KCNQ1: variants seen among roughly 807,000 people sequenced by gnomAD.
KCNQ1 encodes the protein potassium voltage-gated channel subfamily KQT member 1.
In KCNQ1, 49 loss-of-function variants were observed where a neutral mutation model predicts 72.4. The observed-to-expected ratio is 0.68, with a 90% confidence interval of 0.54 to 0.86. The LOEUF (loss-of-function observed/expected upper bound fraction) is 0.86. Among genes scored for constraint, KCNQ1 ranks in the 40% least tolerant of loss-of-function variants. The pLI, the probability that KCNQ1 is intolerant of heterozygous loss-of-function variation, is 0.00. For synonymous variants in KCNQ1, 450 were observed against 412.6 expected, an observed-to-expected ratio of 1.09 and a Z score of -1.10; for missense variants, 790 against 945.1, an observed-to-expected ratio of 0.84 and a Z score of 2.15.
intron 15 of KCNQ1, among the ~76,000 whole-genome samples, chr11:2,838,964 C>A (rs1387126630): frequency 6.6e-6 from 1 of 152,202 alleles, no homozygotes; most frequent in African/African-American, 2.4e-5. Context: ...GCCCGCCTGG[C>A]CCCCAAACAG....
rs1374502738 is a variant in KCNQ1 at position 2,735,486 on chromosome 11, C to T, written c.1515-33358C>T. On this transcript the variant is annotated intron_variant, in intron 11 of 15. Coordinates refer to ENST00000155840, the MANE Select transcript of KCNQ1 (RefSeq NM_000218.3). This position sits in a 1 kb window ranked among gnomAD's most constrained non-coding sequence, Gnocchi z 7.7. ...GCCACACTCCACTGCATTCAGCCAC[C>T]GTCCTGAAGTGCCCCTCACCCACCC... is the stretch of plus-strand genomic sequence containing the variant. 6.6e-6 allele frequency among the ~76,000 whole-genome samples: 1 copy of T among 152,090 alleles called. No homozygotes were observed. Among genetic ancestry groups the T allele is most frequent in the East Asian group, 1.9e-4 (1 of 5,176 alleles).
rs1056537077 is a variant in KCNQ1, at chr11:2,481,350, C to CGT, written c.386+35876_386+35877dup. ...AGTTTCCTGCTAGTCTTTTTCTCGGCGTGTGTGTGTGCGCGCGTGCATGCA... is the reference window on the plus strand; with the variant it reads ...AGTTTCCTGCTAGTCTTTTTCTCGGCGTGTGTGTGTGTGCGCGCGTGCATGCA... On this transcript the variant is annotated intron_variant, in intron 1 of 15. Transcript: ENST00000155840. This position sits in a 1 kb window ranked among gnomAD's most constrained non-coding sequence, Gnocchi z 4.6. 5.9e-5 allele frequency among the ~76,000 whole-genome samples: 9 copies of CGT among 152,092 alleles called. No individual in the cohort carries two copies. Among genetic ancestry groups the CGT allele is most frequent in the Non-Finnish European group, 8.8e-5 (6 of 68,016 alleles).
At chr11:2,820,314 T>C (rs553720633) in intron 15 of KCNQ1, among the ~76,000 whole-genome samples, 1 of 152,378 alleles carries the variant, frequency 6.6e-6, no homozygotes, top group African/African-American at 2.4e-5. Flanking sequence ...TTCTCTTTAA[T>C]CAAAGAGTTA....
At position 2,692,041 on chromosome 11, in the gene KCNQ1, C is replaced by T. The variant is rs1393195268; in HGVS notation, c.1514+29960C>T. ...GACCACCTGTGAGGCCCTGACCCCC[C>T]AAATGTCTCTCCAACCCAGCCAGAC... On this transcript the variant is annotated intron_variant, in intron 11 of 15. Coordinates refer to ENST00000155840, the MANE Select transcript of KCNQ1 (RefSeq NM_000218.3). 6 of 398,660 alleles carry T rather than the reference C, an allele frequency of 1.5e-5. No individual in the cohort carries two copies. The East Asian group carries it at 1.8e-4, about 12-fold the overall frequency. The allele number at this position is 398,660 out of a possible 1,614,324, so 24.7% of individuals were successfully genotyped here. A position where few individuals can be genotyped will look rare whatever the true frequency, so the allele number is the denominator to read the frequency against.
chr11:2,521,540 A>C (rs1351120074), intron 1 of KCNQ1: 10 of 470,806 alleles, frequency 2.1e-5, no homozygotes, highest in Non-Finnish European at 4.4e-6. Context: ...TCCAGTGGTT[A>C]CACGCCCCGG....
At chr11:2,680,706 T>C (rs1438437303) in intron 11 of KCNQ1, 1 of 398,412 alleles carries the variant, frequency 2.5e-6, no homozygotes, top group Non-Finnish European at 4.4e-6. Flanking sequence ...CCCCCTTTTA[T>C]AGCTACCCCC....
chr11:2,670,037 A>G lies in KCNQ1; in HGVS notation c.1514+7956A>G. The G allele has an allele frequency of 2.5e-6, 1 of 398,592 alleles. No individual in the cohort carries two copies. Among genetic ancestry groups the G allele is most frequent in the East Asian group, 3.6e-5 (1 of 28,058 alleles). 24.7% of individuals were successfully genotyped at this position (398,592 alleles called of 1,614,324 possible). A position where few individuals can be genotyped will look rare whatever the true frequency, so the allele number is the denominator to read the frequency against. ...GGGGTCCCGTGGAGGTACAGGCGGA[A>G]ACCTAGCACTCACTATTCTGCTCTG... is the stretch of plus-strand genomic sequence containing the variant. On this transcript the variant is annotated intron_variant, in intron 11 of 15. Coordinates refer to ENST00000155840, the MANE Select transcript of KCNQ1 (RefSeq NM_000218.3). The surrounding 1 kb of genome is among the most constrained non-coding windows in gnomAD (Gnocchi z 4.9).
chr11:2,515,715 C>T lies in KCNQ1; in HGVS notation c.387-12213C>T, dbSNP rs899688495. Among the ~76,000 whole-genome samples, 4 of 152,122 alleles carry T rather than the reference C, an allele frequency of 2.6e-5. No individual in the cohort carries two copies. The highest frequency in any genetic ancestry group is 1.3e-4 in the Admixed American group (2 of 15,276). On this transcript the variant is annotated intron_variant, in intron 1 of 15. Coordinates refer to ENST00000155840, the MANE Select transcript of KCNQ1 (RefSeq NM_000218.3). The surrounding 1 kb of genome is among the most constrained non-coding windows in gnomAD (Gnocchi z 4.7). The stretch of plus-strand genomic sequence containing the variant: ...GGGTCACTTCAGTTTGTCCTCCCGG[C>T]GCCTTCTAAATATACTCTCTGTGGG...
intron 1 of KCNQ1, among the ~76,000 whole-genome samples, chr11:2,452,972 G>A (rs1021237684): frequency 2.6e-5 from 4 of 152,292 alleles, no homozygotes; most frequent in South Asian, 2.1e-4. Context: ...AACCACTTGG[G>A]TACCTAAAGA....
At chr11:2,629,453 A>G in intron 10 of KCNQ1, 1 of 398,442 alleles carries the variant, frequency 2.5e-6, no homozygotes, top group Non-Finnish European at 4.4e-6. Flanking sequence ...TAAGAGTTTT[A>G]TAGTTTTAGG....
At chr11:2,688,013 C>A in intron 11 of KCNQ1, 1 of 398,710 alleles carries the variant, frequency 2.5e-6, no homozygotes, top group Non-Finnish European at 4.4e-6. Flanking sequence ...GGGGTCAGCA[C>A]CCCTCTAGGC....
intron 11 of KCNQ1, chr11:2,694,384 T>C (rs1850638550): frequency 7.5e-6 from 3 of 398,504 alleles, no homozygotes; most frequent in Non-Finnish European, 1.3e-5. Context: ...ATCATGACTA[T>C]GGGAGAATTA....
chr11:2,753,832 A>G (rs1484513178), intron 11 of KCNQ1, among the ~76,000 whole-genome samples: 1 of 152,094 alleles, frequency 6.6e-6, no homozygotes, highest in Non-Finnish European at 1.5e-5. Context: ...GCTTCCCTCT[A>G]TCTGAGGCTC....
intron 2 of KCNQ1, among the ~76,000 whole-genome samples, chr11:2,552,894 C>T (rs760387760): frequency 2.6e-5 from 4 of 152,214 alleles, no homozygotes; most frequent in Admixed American, 6.5e-5. Context: ...TCTTGCTCCC[C>T]GGTGTCTTAG....
chr11:2,703,757 T>G lies in KCNQ1; in HGVS notation c.1514+41676T>G, dbSNP rs377392213. ...CCCCTCACCCAAGCAGCAGGATGTGTGGCAGGCCCTGGCCAAGGAGTTCTG... is the reference window on the plus strand; with the variant it reads ...CCCCTCACCCAAGCAGCAGGATGTGGGGCAGGCCCTGGCCAAGGAGTTCTG... On this transcript the variant is annotated intron_variant, in intron 11 of 15. Transcript: ENST00000155840. This position sits in a 1 kb window ranked among gnomAD's most constrained non-coding sequence, Gnocchi z 6.4. Among the ~76,000 whole-genome samples, 14 of 152,296 alleles carry G rather than the reference T, an allele frequency of 9.2e-5. No individual in the cohort carries two copies. The East Asian group carries it at 2.7e-3, about 29-fold the overall frequency.
chr11:2,590,659 C>T (rs1344179107), intron 10 of KCNQ1, among the ~76,000 whole-genome samples: 6 of 152,372 alleles, frequency 3.9e-5, no homozygotes, highest in East Asian at 1.9e-4. Flanking sequence ...TCTGCTGACC[C>T]GGTTTCTGCT....
At chr11:2,610,991 G>C (rs377576389) in intron 10 of KCNQ1, 1 of 398,216 alleles carries the variant, frequency 2.5e-6, no homozygotes, top group East Asian at 3.6e-5. Flanking sequence ...TATTATTGTT[G>C]AGTTGTCTAT....
At chr11:2,845,287 C>T (rs1363460293) in intron 15 of KCNQ1, among the ~76,000 whole-genome samples, 1 of 152,106 alleles carries the variant, frequency 6.6e-6, no homozygotes, top group Non-Finnish European at 1.5e-5. Flanking sequence ...TCCGTGGTCT[C>T]GAGATGGAGC....
In KCNQ1 at chr11:2,509,469, G is replaced by A. The variant is rs1847158650; in HGVS notation, c.387-18459G>A. On this transcript the variant is annotated intron_variant, in intron 1 of 15. Coordinates refer to ENST00000155840, the MANE Select transcript of KCNQ1 (RefSeq NM_000218.3). The surrounding 1 kb of genome is among the most constrained non-coding windows in gnomAD (Gnocchi z 6.3). ...CTGTGCTGTGTGGGGGGTGTTTGGT[G>A]TCCTAGGAGGAGTCTCTGTCCTGAG... Among the ~76,000 whole-genome samples, 1 of 152,130 alleles carries A rather than the reference G, an allele frequency of 6.6e-6. No homozygotes were observed. Among genetic ancestry groups the A allele is most frequent in the South Asian group, 2.1e-4 (1 of 4,820 alleles).
Sources: allele counts gnomAD v4.1 joint callset (sites outside exome capture counted in the v4.1 genomes callset), GRCh38; gene constraint gnomAD v4.1.1; non-coding constraint Gnocchi (gnomAD v3.1); transcripts MANE v1.5; gene names NCBI Gene and HGNC (gene_info 2026-07-23, HGNC 2026-07-21).